Variants in GPC6 observed in about 807,000 individuals in gnomAD.
The protein encoded by GPC6 is glypican-6.
Under a neutral mutation model 55.2 loss-of-function variants are expected in GPC6, and 14 were observed. That is an observed-to-expected ratio of 0.25 (90% CI 0.17 to 0.40). GPC6 has a LOEUF of 0.40. Ranked by LOEUF, GPC6 falls within the 10% of genes least tolerant of loss-of-function variation. GPC6 has a pLI of 1.00. For synonymous variants in GPC6, 278 were observed against 259.6 expected (o/e 1.07, Z -0.68); for missense variants, 641 against 708.5 (o/e 0.90, Z 1.08).
intron 4 of GPC6, among the ~76,000 whole-genome samples, chr13:94,238,506 C>A (rs1890948953): frequency 6.6e-6 from 1 of 152,140 alleles, no homozygotes; most frequent in Admixed American, 6.6e-5. Context: ...ACCACGAGGA[C>A]TAAGGGAGTA....
chr13:93,464,568 A>G lies in GPC6; in HGVS notation c.161-80695A>G, dbSNP rs117317257. 7.6e-3 allele frequency among the ~76,000 whole-genome samples: 1,160 copies of G among 152,320 alleles called. 5 individuals carry two copies. The highest frequency in any genetic ancestry group is 0.012 in the Non-Finnish European group (847 of 68,014). On this transcript the variant is annotated intron_variant, in intron 1 of 8. Transcript: ENST00000377047. Reference sequence around the variant, plus strand: ...TTTGTTTGATCATGAGATTGCAGCAATTCAGTCACATCTTCAGTCTCCACT... The same window carrying G: ...TTTGTTTGATCATGAGATTGCAGCAGTTCAGTCACATCTTCAGTCTCCACT...
upstream of GPC6, among the ~76,000 whole-genome samples, chr13:93,223,053 T>A (rs1875664287): frequency 3.7e-5 from 4 of 108,452 alleles, no homozygotes; most frequent in East Asian, 3.0e-4. Flanking sequence ...GAAATCTCCA[T>A]AAATCACATT....
At chr13:93,439,686 TAAATAAAA>T (rs1169297510) in intron 1 of GPC6, among the ~76,000 whole-genome samples, 32 of 128,334 alleles carry the variant, frequency 2.5e-4, no homozygotes, top group African/African-American at 9.7e-4. Flanking sequence ...TAAAATAAAA[TAAATAAAA>T]AAAATAAAAT....
chr13:94,143,862 G>T (rs116184591), intron 4 of GPC6, among the ~76,000 whole-genome samples: 2,365 of 152,232 alleles, frequency 0.016, 58 homozygotes, highest in African/African-American at 0.053. Flanking sequence ...CTACACTCCA[G>T]CCTGGGTGAC....
intron 3 of GPC6, among the ~76,000 whole-genome samples, chr13:94,011,163 A>G (rs1003877475): frequency 2.0e-5 from 3 of 152,108 alleles, no homozygotes; most frequent in Non-Finnish European, 2.9e-5. Context: ...TCCAGGGAAA[A>G]ATTTTAGCAA....
chr13:93,644,270 T>A (rs1329486354), intron 2 of GPC6, among the ~76,000 whole-genome samples: 1 of 152,062 alleles, frequency 6.6e-6, no homozygotes, highest in Admixed American at 6.6e-5. Flanking sequence ...CTAAATAAGG[T>A]CATTCTCACG....
chr13:93,627,445 C>G (rs1253869319), intron 2 of GPC6, among the ~76,000 whole-genome samples: 7 of 152,096 alleles, frequency 4.6e-5, no homozygotes, highest in Non-Finnish European at 8.8e-5. Flanking sequence ...GAAACTGCCC[C>G]CATGATCCAG....
At chr13:94,079,658 A>C (rs537615110) in intron 4 of GPC6, among the ~76,000 whole-genome samples, 1 of 152,320 alleles carries the variant, frequency 6.6e-6, no homozygotes, top group East Asian at 1.9e-4. Context: ...GTGTGAACCT[A>C]TATTCCTCCT....
intron 6 of GPC6, among the ~76,000 whole-genome samples, chr13:94,373,154 C>A (rs570954051): frequency 2.0e-5 from 3 of 152,102 alleles, no homozygotes; most frequent in Admixed American, 2.0e-4. Flanking sequence ...AAAAGCAGAG[C>A]GCCTCTCCTC....
intron 4 of GPC6, among the ~76,000 whole-genome samples, chr13:94,067,403 A>G (rs1222471588): frequency 2.0e-5 from 3 of 152,140 alleles, no homozygotes; most frequent in African/African-American, 7.2e-5. Flanking sequence ...CACATCTGAT[A>G]TTCTTTTTAT....
intron 4 of GPC6, among the ~76,000 whole-genome samples, chr13:94,246,468 G>T (rs938420428): frequency 6.6e-6 from 1 of 152,062 alleles, no homozygotes; most frequent in East Asian, 1.9e-4. Flanking sequence ...CCTATGTTTT[G>T]TCCTAGGAGT....
At chr13:94,052,265 G>T (rs571147383) in intron 4 of GPC6, among the ~76,000 whole-genome samples, 1 of 152,104 alleles carries the variant, frequency 6.6e-6, no homozygotes, top group African/African-American at 2.4e-5. Context: ...CAGGGATTTG[G>T]GTCAGGTCAT....
Position 93,569,071 on chromosome 13 carries a change from T to C in GPC6, c.319+23650T>C, listed in dbSNP as rs896893196. ...ATATGGGTAGAGCCTAACACAAGAC[T>C]TTTTTCAAAGATCTTAAGGCTAGTT... On this transcript the variant is annotated intron_variant, in intron 2 of 8. Transcript: ENST00000377047. Among the ~76,000 whole-genome samples the C allele has an allele frequency of 2.0e-5, 3 of 152,304 alleles. No individual in the cohort carries two copies. In the East Asian group the frequency reaches 5.8e-4, roughly 29 times the overall value.
At chr13:94,041,226 A>G (rs1478026423) in intron 4 of GPC6, among the ~76,000 whole-genome samples, 1 of 151,854 alleles carries the variant, frequency 6.6e-6, no homozygotes, top group African/African-American at 2.4e-5. Flanking sequence ...CAAATCAGTT[A>G]CAAGATGGAA....
At chr13:93,370,313 T>C (rs1881404983) in intron 1 of GPC6, among the ~76,000 whole-genome samples, 1 of 152,172 alleles carries the variant, frequency 6.6e-6, no homozygotes, top group African/African-American at 2.4e-5. Flanking sequence ...CGCTATTCTT[T>C]ACATATGACA....
At chr13:94,271,127 ACTACAGG>A (rs916226231) in intron 4 of GPC6, among the ~76,000 whole-genome samples, 6 of 151,010 alleles carry the variant, frequency 4.0e-5, no homozygotes, top group Admixed American at 2.6e-4. Context: ...AGTAGCTGGG[ACTACAGG>A]CTCCCGCCAC....
At chr13:93,319,213 A>G (rs1879345359) in intron 1 of GPC6, among the ~76,000 whole-genome samples, 3 of 152,144 alleles carry the variant, frequency 2.0e-5, no homozygotes, top group Admixed American at 2.0e-4. Flanking sequence ...CTCTGCAGTG[A>G]AACCCTTTGG....
chr13:94,266,338 T>G (rs112559855), intron 4 of GPC6, among the ~76,000 whole-genome samples: 22,497 of 151,938 alleles, frequency 0.15, 1,858 homozygotes, highest in Non-Finnish European at 0.18. Context: ...CTGGCTAATT[T>G]TTTGTATTTT....
rs1229285968 is a variant in GPC6, at chr13:94,398,578, C to T, written c.1402C>T (p.Arg468Cys). Residue 468 changes from arginine to cysteine, a missense_variant, in exon 8 of 9, where the codon CGT becomes TGT. By Grantham distance (180) the Arg-to-Cys change is radical. Transcript: ENST00000377047. The part of the protein sequence containing the change: ...TFIRQQIMAL[R>C]VMTNKLKNAY... Reference sequence around the variant, plus strand: ...CATCAGACAGCAGATTATGGCTCTCCGTGTGATGACCAACAAACTAAAAAA... The same window carrying T: ...CATCAGACAGCAGATTATGGCTCTCTGTGTGATGACCAACAAACTAAAAAA... 3.1e-6 allele frequency: 5 copies of T among 1,613,788 alleles called. No homozygotes were observed. The highest frequency in any genetic ancestry group is 1.7e-5 in the Admixed American group (1 of 59,992).
Sources: allele counts gnomAD v4.1 joint callset (sites outside exome capture counted in the v4.1 genomes callset), GRCh38; gene constraint gnomAD v4.1.1; transcripts MANE v1.5; gene names NCBI Gene and HGNC (gene_info 2026-07-23, HGNC 2026-07-21).